Variants in BNC2 observed in about 807,000 individuals in gnomAD.
BNC2 encodes the protein basonuclin zinc finger protein 2.
In BNC2, 20 loss-of-function variants were observed where a neutral mutation model predicts 76.3. The observed-to-expected ratio is 0.26, with a 90% CI of 0.18 to 0.38. BNC2 has a LOEUF of 0.38. Among genes scored for constraint, BNC2 ranks in the 10% least tolerant of loss-of-function variants. The pLI is 1.00. For missense variants in BNC2, 1,382 were observed against 1,399.8 expected, an observed-to-expected ratio of 0.99 and a Z score of 0.20; for synonymous variants, 582 against 514.8, an observed-to-expected ratio of 1.13 and a Z score of -1.77.
chr9:16,424,569 T>C (rs1386086313), intron 6 of BNC2, among the ~76,000 whole-genome samples: 1 of 152,154 alleles, frequency 6.6e-6, no homozygotes, highest in Non-Finnish European at 1.5e-5. Context: ...CATAACAACA[T>C]ATACATAGCG....
intron 5 of BNC2, among the ~76,000 whole-genome samples, chr9:16,485,111 G>GACACACACACAC (rs58432278): frequency 7.7e-5 from 11 of 143,558 alleles, no homozygotes; most frequent in African/African-American, 2.0e-4. Flanking sequence ...GACACACACA[G>GACACACACACAC]ACACACACAC....
At chr9:16,820,800 A>G (rs1169757316) in intron 1 of BNC2, among the ~76,000 whole-genome samples, 1 of 151,896 alleles carries the variant, frequency 6.6e-6, no homozygotes, top group African/African-American at 2.4e-5. Flanking sequence ...CCAAGTGTAT[A>G]AAGGGAAAAA....
intron 3 of BNC2, among the ~76,000 whole-genome samples, chr9:16,663,940 T>C (rs1281249117): frequency 6.6e-6 from 1 of 152,180 alleles, no homozygotes; most frequent in Non-Finnish European, 1.5e-5. Context: ...CTATATTAAA[T>C]GTGTGGTCCA....
intron 1 of BNC2, among the ~76,000 whole-genome samples, chr9:16,787,278 C>G (rs111717443): frequency 2.0e-5 from 3 of 152,288 alleles, no homozygotes; most frequent in African/African-American, 7.2e-5. Flanking sequence ...TCAGTCATCT[C>G]AGAGCCCTCT....
intron 3 of BNC2, among the ~76,000 whole-genome samples, chr9:16,726,559 T>TAAA (rs35579154): frequency 0.15 from 15,483 of 101,318 alleles, 1,067 homozygotes; most frequent in Non-Finnish European, 0.25. Context: ...AAAAGCTTTT[T>TAAA]AAAAAAAAAA....
chr9:16,780,029 G>T (rs1310559491), intron 1 of BNC2, among the ~76,000 whole-genome samples: 4 of 151,860 alleles, frequency 2.6e-5, no homozygotes, highest in African/African-American at 7.2e-5. Flanking sequence ...AAGGTCAGCA[G>T]ATCGAGACCA....
At position 16,431,988 on chromosome 9, in the gene BNC2, T is replaced by C. The variant is rs191219880; in HGVS notation, c.2639+3567A>G. 3.6e-3 allele frequency among the ~76,000 whole-genome samples: 555 copies of C among 152,314 alleles called. 4 individuals carry two copies. Among genetic ancestry groups the C allele is most frequent in the African/African-American group, 0.013 (535 of 41,564 alleles). ...AACAGGCCATGGACCAGTACTAGTC[T>C]GCAGCCCCGGGGTTGGGGACCCCTG... On this transcript the variant is annotated intron_variant, in intron 6 of 6. Transcript: ENST00000380672.
intron 3 of BNC2, among the ~76,000 whole-genome samples, chr9:16,707,030 G>A (rs1037421395): frequency 1.3e-5 from 2 of 152,128 alleles, no homozygotes; most frequent in Admixed American, 1.3e-4. Context: ...GTGAAACCCC[G>A]TCTCTACTAA....
Position 16,819,315 on chromosome 9 carries a change from C to G in BNC2, c.3+51331G>C, listed in dbSNP as rs561443723. 2.6e-4 allele frequency among the ~76,000 whole-genome samples: 40 copies of G among 152,264 alleles called. 1 individual carries two copies. The Middle Eastern group carries it at 0.014, about 52-fold the overall frequency. On this transcript the variant is annotated intron_variant, in intron 1 of 6. Coordinates refer to ENST00000380672, the MANE Select transcript of BNC2 (RefSeq NM_017637.6). ...TCGTTTTTAATAAAGTCTACCATAG[C>G]AGCAGAAATGATGCCCTAATGTCAG...
chr9:16,572,957 G>C (rs917692524), intron 4 of BNC2, among the ~76,000 whole-genome samples: 1 of 152,048 alleles, frequency 6.6e-6, no homozygotes, highest in Non-Finnish European at 1.5e-5. Flanking sequence ...GGCCGGGCAC[G>C]GAGGCTCACA....
chr9:16,666,715 T>C (rs1822302276), intron 3 of BNC2, among the ~76,000 whole-genome samples: 1 of 152,184 alleles, frequency 6.6e-6, no homozygotes, highest in Non-Finnish European at 1.5e-5. Context: ...AAACAGCAAA[T>C]ATATCTGTTT....
intron 1 of BNC2, among the ~76,000 whole-genome samples, chr9:16,817,239 G>C (rs1437457775): frequency 1.3e-5 from 2 of 150,374 alleles, no homozygotes; most frequent in African/African-American, 2.5e-5. Flanking sequence ...TAAGGAATAA[G>C]AGGATCTAGA....
chr9:16,426,812 G>T (rs1471039101), intron 6 of BNC2, among the ~76,000 whole-genome samples: 1 of 152,134 alleles, frequency 6.6e-6, no homozygotes, highest in Non-Finnish European at 1.5e-5. Flanking sequence ...TGAAATGCAG[G>T]ATTTTGTATT....
chr9:16,867,226 A>C (rs889967768), intron 1 of BNC2: 24 of 152,178 alleles, frequency 1.6e-4, no homozygotes, highest in African/African-American at 5.5e-4. Context: ...AAATTCAGGA[A>C]AAAAACACTT....
In BNC2 at chr9:16,707,071, G is replaced by A. The variant is rs558847290; in HGVS notation, c.330+20726C>T. 1.7e-3 allele frequency among the ~76,000 whole-genome samples: 259 copies of A among 152,248 alleles called. 1 individual carries two copies. Among genetic ancestry groups the A allele is most frequent in the African/African-American group, 6.0e-3 (251 of 41,560 alleles). The stretch of plus-strand genomic sequence containing the variant: ...CAAAAAATTAGCCGGGCGTGATGGT[G>A]GGCGCCTGTAGTCCCAGCTAATCGG... On this transcript the variant is annotated intron_variant, in intron 3 of 6. Transcript: ENST00000380672.
At chr9:16,724,331 T>C (rs1824250764) in intron 3 of BNC2, among the ~76,000 whole-genome samples, 1 of 151,916 alleles carries the variant, frequency 6.6e-6, no homozygotes, top group Non-Finnish European at 1.5e-5. Flanking sequence ...TCCTCAAGTG[T>C]GATTAAAAAA....
chr9:16,419,645 T>C lies in BNC2; in HGVS notation c.2644A>G (p.Ser882Gly). The C allele has an allele frequency of 1.5e-6, 2 of 1,301,920 alleles. No individual in the cohort carries two copies. Among genetic ancestry groups the C allele is most frequent in the African/African-American group, 3.6e-5 (2 of 56,186 alleles). 80.6% of individuals were successfully genotyped at this position (1,301,920 alleles called of 1,614,324 possible). A position where few individuals can be genotyped will look rare whatever the true frequency, so the allele number is the denominator to read the frequency against. ...FPSRRSRDRHSANINLHRKLL... is the reference protein window; with the variant it reads ...FPSRRSRDRHGANINLHRKLL... ...TTACGATGTAGGTTTATGTTGGCAC[T>C]GTGTCTAGGAAAACAAGAGGGAAGG... The change falls in exon 7 of 7, where the codon AGT becomes GGT. Residue 882 changes from serine to glycine, a missense_variant. Ser to Gly is a moderately conservative substitution (Grantham distance 56). Around this residue, in one of 3 missense-constraint regions of BNC2, gnomAD observed 798 missense variants for 775.5 expected, o/e 1.03. Transcript: ENST00000380672.
intron 1 of BNC2, among the ~76,000 whole-genome samples, chr9:16,794,934 T>A (rs1027509480): frequency 1.3e-5 from 2 of 152,128 alleles, no homozygotes; most frequent in African/African-American, 4.8e-5. Flanking sequence ...TATTCCTATA[T>A]TTGGGCCTTT....
At chr9:16,711,619 A>T (rs1823849747) in intron 3 of BNC2, among the ~76,000 whole-genome samples, 1 of 152,236 alleles carries the variant, frequency 6.6e-6, no homozygotes, top group Non-Finnish European at 1.5e-5. Context: ...AGCTTAATGC[A>T]AACTATTCTT....
Sources: allele counts gnomAD v4.1 joint callset (sites outside exome capture counted in the v4.1 genomes callset), GRCh38; gene constraint gnomAD v4.1.1; regional missense constraint gnomAD v4.1.1; transcripts MANE v1.5; gene names NCBI Gene and HGNC (gene_info 2026-07-23, HGNC 2026-07-21).